LIN28B: variants seen among roughly 807,000 people sequenced by gnomAD.
The protein encoded by LIN28B is lin-28 RNA binding posttranscriptional regulator B, also known as protein lin-28 homolog B.
LIN28B carries 5 observed loss-of-function variants against 21.9 expected under a neutral mutation model. The observed-to-expected ratio is 0.23, with a 90% confidence interval of 0.12 to 0.48. LIN28B has a LOEUF of 0.48. Among genes scored for constraint, LIN28B ranks in the 20% least tolerant of loss-of-function variants. The pLI, the probability that LIN28B is intolerant of heterozygous loss-of-function variation, is 0.98. For synonymous variants in LIN28B, 109 were observed against 111.3 expected, an observed-to-expected ratio of 0.98 and a Z score of 0.13; for missense variants, 245 against 310.5, an observed-to-expected ratio of 0.79 and a Z score of 1.58.
intron 2 of LIN28B, among the ~76,000 whole-genome samples, chr6:105,006,263 T>C (rs1024076339): frequency 1.3e-5 from 2 of 152,176 alleles, no homozygotes; most frequent in Middle Eastern, 3.2e-3. Flanking sequence ...TCGGTTCCAA[T>C]TTTTGTTCCA....
intron 2 of LIN28B, among the ~76,000 whole-genome samples, chr6:104,965,668 T>C (rs1769840186): frequency 6.6e-6 from 1 of 152,198 alleles, no homozygotes; most frequent in Admixed American, 6.5e-5. Flanking sequence ...ATTACAGGCA[T>C]GAGCAACAGT....
At chr6:104,982,364 A>T (rs1770243686) in intron 2 of LIN28B, among the ~76,000 whole-genome samples, 1 of 152,162 alleles carries the variant, frequency 6.6e-6, no homozygotes, top group South Asian at 2.1e-4. Context: ...CCTCCAATTC[A>T]GTGATGAGAT....
At chr6:105,001,350 A>T (rs1275126177) in intron 2 of LIN28B, among the ~76,000 whole-genome samples, 1 of 152,196 alleles carries the variant, frequency 6.6e-6, no homozygotes, top group African/African-American at 2.4e-5. Context: ...ACTGTCAGTG[A>T]TGTTTATGCC....
chr6:105,046,945 A>C (rs908549712), intron 3 of LIN28B, among the ~76,000 whole-genome samples: 13 of 152,016 alleles, frequency 8.6e-5, no homozygotes, highest in Non-Finnish European at 1.8e-4. Flanking sequence ...AGATTGCAAA[A>C]ATTTTCTCCC....
chr6:104,995,914 T>C (rs1770589736), intron 2 of LIN28B, among the ~76,000 whole-genome samples: 1 of 151,294 alleles, frequency 6.6e-6, no homozygotes, highest in Non-Finnish European at 1.5e-5. Context: ...TAACTATGTC[T>C]TCTGAGTAAG....
intron 3 of LIN28B, among the ~76,000 whole-genome samples, chr6:105,044,837 C>G (rs1771713977): frequency 6.6e-6 from 1 of 152,088 alleles, no homozygotes; most frequent in Admixed American, 6.5e-5. Flanking sequence ...TGGAAATGAT[C>G]TTAATGGTAA....
intron 2 of LIN28B, among the ~76,000 whole-genome samples, chr6:105,014,891 C>T (rs935482910): frequency 6.6e-5 from 10 of 151,128 alleles, no homozygotes; most frequent in South Asian, 2.1e-4. Context: ...TTAAATTTCC[C>T]GTGATTTTTT....
At chr6:105,068,841 G>GA (rs1479493462) in intron 3 of LIN28B, among the ~76,000 whole-genome samples, 4 of 152,092 alleles carry the variant, frequency 2.6e-5, no homozygotes, top group African/African-American at 7.2e-5. Flanking sequence ...TTAGGGTTTT[G>GA]AAAAATAACA....
rs1316551604 is a variant in LIN28B at position 105,011,045 on chromosome 6, T to C, written c.199-15253T>C. Among the ~76,000 whole-genome samples the C allele has an allele frequency of 2.0e-5, 3 of 152,222 alleles. No individual in the cohort carries two copies. In the East Asian group the frequency reaches 5.8e-4, roughly 29 times the overall value. ...CATCTCTCACTCAGATTGCTGCATC[T>C]CTTGTGAGTGAAGCCGACTCTCCTT... On this transcript the variant is annotated intron_variant, in intron 2 of 3. Coordinates refer to ENST00000345080, the MANE Select transcript of LIN28B (RefSeq NM_001004317.4).
At chr6:104,951,852 G>C (rs985060873) in intron 3 of LIN28B, among the ~76,000 whole-genome samples, 1 of 152,084 alleles carries the variant, frequency 6.6e-6, no homozygotes, top group African/African-American at 2.4e-5. Flanking sequence ...TGGTAAATAG[G>C]ACCAGAATTG....
At chr6:104,963,092 G>T (rs1769782911) in intron 2 of LIN28B, among the ~76,000 whole-genome samples, 1 of 152,066 alleles carries the variant, frequency 6.6e-6, no homozygotes, top group South Asian at 2.1e-4. Flanking sequence ...CTGTCGCCCA[G>T]GTTGGAGTGC....
At chr6:104,984,349 G>A (rs1457452395) in intron 2 of LIN28B, among the ~76,000 whole-genome samples, 2 of 152,230 alleles carry the variant, frequency 1.3e-5, no homozygotes, top group East Asian at 3.9e-4. Flanking sequence ...TATAAATTCT[G>A]TGTAGCCAAT....
chr6:104,991,490 G>A (rs1479423511), intron 2 of LIN28B, among the ~76,000 whole-genome samples: 2 of 150,764 alleles, frequency 1.3e-5, no homozygotes, highest in African/African-American at 2.4e-5. Flanking sequence ...CTTCCTAGAC[G>A]GGATGGCGGC....
rs73771047 is a variant in LIN28B at position 105,024,716 on chromosome 6, C to G, written c.199-1582C>G. 5.7e-3 allele frequency among the ~76,000 whole-genome samples: 864 copies of G among 152,232 alleles called. 7 individuals carry two copies. The highest frequency in any genetic ancestry group is 0.02 in the African/African-American group (850 of 41,532). On this transcript the variant is annotated intron_variant, in intron 2 of 3. Coordinates refer to ENST00000345080, the MANE Select transcript of LIN28B (RefSeq NM_001004317.4). ...TAATAACCCTGTTTTCATGGGCTGT[C>G]TTGCTTTCACAATGAATGGTCTCCT... is the stretch of plus-strand genomic sequence containing the variant.
At chr6:104,988,689 C>T (rs767478581) in intron 2 of LIN28B, among the ~76,000 whole-genome samples, 44 of 151,862 alleles carry the variant, frequency 2.9e-4, no homozygotes, top group Admixed American at 2.2e-3. Flanking sequence ...CTCCTGCCTC[C>T]GCCTCCGCTT....
At chr6:104,971,993 T>C (rs1361663916) in intron 2 of LIN28B, among the ~76,000 whole-genome samples, 1 of 147,366 alleles carries the variant, frequency 6.8e-6, no homozygotes, top group African/African-American at 2.4e-5. Flanking sequence ...TTATTTGAGA[T>C]AGGGTCTTGC....
At chr6:104,991,162 C>T (rs1490561324) in intron 2 of LIN28B, among the ~76,000 whole-genome samples, 2 of 143,790 alleles carry the variant, frequency 1.4e-5, no homozygotes, top group African/African-American at 2.6e-5. Context: ...CCCCACCTCC[C>T]GGACAGGGCG....
Position 105,079,930 on chromosome 6 carries a change from A to G in LIN28B, c.*1147A>G, listed in dbSNP as rs1030075541. 3 of 152,208 alleles carry G rather than the reference A, an allele frequency of 2.0e-5. No homozygotes were observed. The highest frequency in any genetic ancestry group is 4.4e-5 in the Non-Finnish European group (3 of 68,040). 9.4% of individuals were successfully genotyped at this position (152,208 alleles called of 1,614,324 possible). A position where few individuals can be genotyped will look rare whatever the true frequency, so the allele number is the denominator to read the frequency against. ...AGTTGCCCAATATATATGACCTGCA[A>G]ATGATACGAAAAAGTGCAGCATTTA... On this transcript the variant is annotated 3_prime_UTR_variant, in exon 4 of 4. Coordinates refer to ENST00000345080, the MANE Select transcript of LIN28B (RefSeq NM_001004317.4).
chr6:105,076,556 A>G (rs971062388), intron 3 of LIN28B, among the ~76,000 whole-genome samples: 9 of 152,116 alleles, frequency 5.9e-5, no homozygotes, highest in African/African-American at 1.2e-4. Context: ...TGTCATCATA[A>G]TTCACTTCTT....
Sources: gnomAD v4.1 joint callset for allele counts (sites outside exome capture counted in the v4.1 genomes callset) on GRCh38, gnomAD v4.1.1 for gene constraint, MANE v1.5 for transcripts, NCBI Gene and HGNC (gene_info 2026-07-23, HGNC 2026-07-21) for gene names.